The following STXBP2 variants were observed in gnomAD, a reference collection of about 807,000 sequenced individuals.
STXBP2 encodes syntaxin-binding protein 2.
A neutral mutation model predicts 72.2 loss-of-function variants in STXBP2; 47 were observed. The observed-to-expected ratio is 0.65, with a 90% confidence interval of 0.51 to 0.83. STXBP2 has a LOEUF of 0.83. STXBP2 is among the 40% of genes least tolerant of loss of function. STXBP2 has a pLI of 0.00. For missense variants in STXBP2, 702 were observed against 807.6 expected (o/e 0.87, Z 1.58); for synonymous variants, 367 against 338.7 (o/e 1.08, Z -0.92).
the STXBP2 span, chr19:7,631,399 C>CGGG: frequency 1.5e-4 from 87 of 583,766 alleles, no homozygotes; most frequent in African/African-American, 1.8e-3. Flanking sequence ...GAGAGGTGGG[C>CGGG]GGGGGGGGGT....
rs528517115 is a variant in STXBP2 at position 7,646,456 on chromosome 19, G to A, written c.1452+112G>A. The A allele has an allele frequency of 3.0e-4, 310 of 1,038,174 alleles. 1 individual carries two copies. The African/African-American group carries it at 4.5e-3, about 15-fold the overall frequency. The allele number at this position is 1,038,174 out of a possible 1,614,324, so 64.3% of individuals were successfully genotyped here. A position where few individuals can be genotyped will look rare whatever the true frequency, so the allele number is the denominator to read the frequency against. ...GGCTTAGGGGAAAATGCTCATTGCT[G>A]GCATTCCCTTGGCACCGATCTGCTC... On this transcript the variant is annotated intron_variant, in intron 16 of 18. Coordinates refer to ENST00000221283, the MANE Select transcript of STXBP2 (RefSeq NM_006949.4).
chr19:7,640,237 T>C, intron 4 of STXBP2: 1 of 548,798 alleles, frequency 1.8e-6, no homozygotes, highest in Non-Finnish European at 3.5e-6. Context: ...TGTGCGTCTG[T>C]GTGTATCTGT....
intron 1 of STXBP2, among the ~76,000 whole-genome samples, chr19:7,637,995 C>G (rs1323533870): frequency 6.6e-6 from 1 of 152,232 alleles, no homozygotes; most frequent in Non-Finnish European, 1.5e-5. Context: ...AGGCATGCCT[C>G]AGAGCTGGGA....
chr19:7,630,435 G>T, the STXBP2 span: 1 of 682,646 alleles, frequency 1.5e-6, no homozygotes, highest in Non-Finnish European at 2.5e-6. Context: ...CTGTACCCTT[G>T]GTGGGAGTTC....
chr19:7,644,538 G>A (rs1197886438), intron 13 of STXBP2, 76 bp from the exon 14 acceptor site: 1 of 1,590,192 alleles, frequency 6.3e-7, no homozygotes, highest in Non-Finnish European at 8.5e-7. Flanking sequence ...GGATCCTGGG[G>A]ATGTCCTTGG....
rs144914451 is a variant in STXBP2, at chr19:7,640,939, G to C, written c.365G>C (p.Arg122Pro). The change falls in exon 6 of 19, where the codon CGT (arginine) becomes CCT (proline). Residue 122 changes from arginine to proline, a missense_variant. Coordinates refer to ENST00000221283, the MANE Select transcript of STXBP2 (RefSeq NM_006949.4). ...EPLFSELGRS[R>P]LAKVVKTLKE... ...CTGTTCAGTGAGCTAGGCCGCTCTC[G>C]TCTGGCAAAGGTGGTGAAGACGTTG... 1.2e-6 allele frequency: 2 copies of C among 1,614,206 alleles called. No individual in the cohort carries two copies. Among genetic ancestry groups the C allele is most frequent in the East Asian group, 4.5e-5 (2 of 44,882 alleles).
upstream of STXBP2, chr19:7,633,690 T>C (rs2031430818): frequency 3.5e-6 from 2 of 573,664 alleles, no homozygotes; most frequent in South Asian, 2.1e-5. Flanking sequence ...GACCTGAGCT[T>C]GGACCTCGCT....
Position 7,647,529 on chromosome 19 carries a change from G to T in STXBP2, c.1696+18G>T. 6.3e-7 allele frequency: 1 copy of T among 1,581,604 alleles called. No individual in the cohort carries two copies. The highest frequency in any genetic ancestry group is 8.6e-7 in the Non-Finnish European group (1 of 1,162,620). On this transcript the variant is annotated intron_variant, in intron 18 of 18. Coordinates refer to ENST00000221283, the MANE Select transcript of STXBP2 (RefSeq NM_006949.4). ...GCTCATTGGTAAGTCACCAGGACTG[G>T]GACCCTGGGGTCTGGGGCTTGGGTT...
chr19:7,641,311 A>C, intron 6 of STXBP2: 1 of 498,944 alleles, frequency 2.0e-6, no homozygotes, highest in South Asian at 2.0e-5. Flanking sequence ...TCGAGGCTGC[A>C]GTGAGCTATG....
At chr19:7,643,734 GCGGAGCCT>G (rs2031995780) in intron 13 of STXBP2, among the ~76,000 whole-genome samples, 3 of 150,576 alleles carry the variant, frequency 2.0e-5, no homozygotes, top group African/African-American at 4.9e-5. Flanking sequence ...TGGGTGAGGG[GCGGAGCCT>G]TGGAGAGGTG....
chr19:7,644,871 C>A, intron 14 of STXBP2, 119 bp downstream of exon 14: 4 of 1,537,648 alleles, frequency 2.6e-6, no homozygotes, highest in Non-Finnish European at 2.6e-6. Context: ...GCTCACCAAC[C>A]CCCACAGCTA....
In STXBP2 at chr19:7,643,011, T is replaced by TG; in HGVS notation, c.990dup (p.Lys331GlufsTer12). On this transcript the variant is annotated frameshift_variant, in exon 12 of 19. Transcript: ENST00000221283. LOFTEE classifies it high-confidence loss of function. The stretch of plus-strand genomic sequence containing the variant: ...AACATCAAAGACCTATCCCAGATCC[T>TG]GAAAAAGATGCCGCAGTACCAGAAG... 1 of 1,614,108 alleles carries TG rather than the reference T, an allele frequency of 6.2e-7. No individual in the cohort carries two copies.
upstream of STXBP2, among the ~76,000 whole-genome samples, chr19:7,635,197 C>T (rs1177253729): frequency 6.6e-6 from 1 of 152,174 alleles, no homozygotes. Context: ...CTTCCATCCC[C>T]CCAGGATCTG....
At chr19:7,632,819 T>C (rs1471321976), upstream of STXBP2, 1 of 1,553,052 alleles carries the variant, frequency 6.4e-7, no homozygotes, top group African/African-American at 1.4e-5. The surrounding 1 kb of genome is among the most constrained non-coding windows in gnomAD (Gnocchi z 5.2). Flanking sequence ...CCTCCTGGTC[T>C]GGGGAGCCCG....
At chr19:7,646,062 C>T (rs1180769155) in intron 15 of STXBP2, 187 bp from the exon 16 acceptor site, 13 of 604,806 alleles carry the variant, frequency 2.1e-5, no homozygotes, top group East Asian at 1.1e-4. Flanking sequence ...TTTCTCTCTC[C>T]GTCTCTCTCT....
chr19:7,640,656 G>T lies in STXBP2; in HGVS notation c.247-75G>T, dbSNP rs565583226. 1.9e-5 allele frequency: 30 copies of T among 1,582,972 alleles called. No homozygotes were observed. In the African/African-American group the frequency reaches 3.4e-4, roughly 18 times the overall value. On this transcript the variant is annotated intron_variant, in intron 4 of 18. Coordinates refer to ENST00000221283, the MANE Select transcript of STXBP2 (RefSeq NM_006949.4). ...GTTTGCACATGGTGGCAGATGGGGG[G>T]TGGCTGGGAGGCCTAGGCAGCCAAT... is the stretch of plus-strand genomic sequence containing the variant.
upstream of STXBP2, chr19:7,632,176 G>C (rs1023654050): frequency 1.2e-5 from 9 of 726,012 alleles, no homozygotes; most frequent in Middle Eastern, 3.9e-4. This position sits in a 1 kb window ranked among gnomAD's most constrained non-coding sequence, Gnocchi z 5.2. Context: ...GGGGGCAGGA[G>C]CCACAAGTTC....
In STXBP2 at chr19:7,642,910, C is replaced by T; in HGVS notation, c.961-73C>T. On this transcript the variant is annotated intron_variant, in intron 11 of 18. Coordinates refer to ENST00000221283, the MANE Select transcript of STXBP2 (RefSeq NM_006949.4). The surrounding 1 kb of genome is among the most constrained non-coding windows in gnomAD (Gnocchi z 6.0). ...CAGGGCCACAGCCTGGATTTCGAGCCTGGACTGAGACCCAGGTGGGCACTG... is the reference window on the plus strand; with the variant it reads ...CAGGGCCACAGCCTGGATTTCGAGCTTGGACTGAGACCCAGGTGGGCACTG... 2 of 1,613,130 alleles carry T rather than the reference C, an allele frequency of 1.2e-6. No homozygotes were observed. The highest frequency in any genetic ancestry group is 1.3e-5 in the African/African-American group (1 of 75,020).
chr19:7,641,634 C>G, intron 6 of STXBP2, 71 bp from the exon 7 acceptor site: 1 of 1,543,706 alleles, frequency 6.5e-7, no homozygotes, highest in Non-Finnish European at 8.8e-7. Context: ...GTGCAGGTGG[C>G]GGCAGCGGGA....
Sources: allele counts gnomAD v4.1 joint callset (sites outside exome capture counted in the v4.1 genomes callset), GRCh38; gene constraint gnomAD v4.1.1; non-coding constraint Gnocchi (gnomAD v3.1); transcripts MANE v1.5; gene names NCBI Gene and HGNC (gene_info 2026-07-23, HGNC 2026-07-21).